The following PITRM1 variants were observed in gnomAD, a reference collection of about 807,000 sequenced individuals.
The protein encoded by PITRM1 is pitrilysin metallopeptidase 1.
In PITRM1, 100 loss-of-function variants were observed where a neutral mutation model predicts 129.9. That is an observed-to-expected ratio of 0.77 (90% CI 0.65 to 0.91). The LOEUF is 0.91. Among genes scored for constraint, PITRM1 ranks in the 40% least tolerant of loss-of-function variants. The pLI is 0.00. For synonymous variants in PITRM1, 591 were observed against 508.8 expected (o/e 1.16, Z -2.17); for missense variants, 1,471 against 1,318.3 (o/e 1.12, Z -1.79).
intron 23 of PITRM1, chr10:3,141,606 T>TA: frequency 2.2e-6 from 1 of 463,852 alleles, no homozygotes. Context: ...AAGCTGATTC[T>TA]AGAACACATC....
Position 3,140,803 on chromosome 10 carries a change from G to T in PITRM1, c.2655C>A (p.Ile885=). Residue 885 remains isoleucine, a synonymous_variant, in exon 24 of 27, where the codon ATC becomes ATA. Coordinates refer to ENST00000224949, the MANE Select transcript of PITRM1 (RefSeq NM_014889.4). ...YTDPDHASLK[I]LARLMTAKFL... ...ATTTGGCAGTCATCAAACGTGCAAG[G>T]ATTTTAAGACTGAAATGATTAAAAA... 4 of 1,581,780 alleles carry T rather than the reference G, an allele frequency of 2.5e-6. No homozygotes were observed. Among genetic ancestry groups the T allele is most frequent in the African/African-American group, 2.7e-5 (2 of 74,450 alleles).
chr10:3,155,653 G>C lies in PITRM1; in HGVS notation c.1559C>G (p.Thr520Arg). The change falls in exon 14 of 27, where the codon ACG becomes AGG. Residue 520 changes from threonine to arginine, a missense_variant. By Grantham distance (71) the Thr-to-Arg change is moderately conservative. Transcript: ENST00000224949. ...YHEKQAQVEA[T>R]KLKQKVEALS... ...AGCCTCGACCTTCTGCTTGAGCTTC[G>C]TGGCTTCCACCTGTGCCTGCTTCTC... 1 of 1,613,800 alleles carries C rather than the reference G, an allele frequency of 6.2e-7. No homozygotes were observed. Among genetic ancestry groups the C allele is most frequent in the Non-Finnish European group, 8.5e-7 (1 of 1,179,862 alleles).
chr10:3,164,138 G>C (rs557028313), intron 6 of PITRM1: 2 of 228,180 alleles, frequency 8.8e-6, no homozygotes, highest in East Asian at 2.1e-4. Context: ...GATGTGTGGT[G>C]CAACAAACGC....
At chr10:3,145,741 A>G in intron 20 of PITRM1, 25 bp from the exon 21 acceptor site, 2 of 1,499,476 alleles carry the variant, frequency 1.3e-6, no homozygotes, top group South Asian at 1.2e-5. Context: ...ATGTATACAT[A>G]AAACCACTGT....
At chr10:3,143,617 C>G (rs193119868) in intron 22 of PITRM1, 116 bp from the exon 23 acceptor site, 3 of 744,920 alleles carry the variant, frequency 4.0e-6, no homozygotes, top group Non-Finnish European at 4.9e-6. Context: ...GCCCACGGCA[C>G]TGGGACTGGA....
Position 3,145,646 on chromosome 10 carries a change from T to C in PITRM1, c.2407A>G (p.Ile803Val). The C allele has an allele frequency of 2.6e-6, 4 of 1,550,440 alleles. No homozygotes were observed. Among genetic ancestry groups the C allele is most frequent in the South Asian group, 1.2e-5 (1 of 84,002 alleles). ...CTCCGTTCCTTTTTACTCCGACCGA[T>C]GCTTCTAAGGAAGTCTTCGACCGCT... ...EKAVEDFLRSIGRSKKERRPV... is the reference protein window; with the variant it reads ...EKAVEDFLRSVGRSKKERRPV... Residue 803 changes from isoleucine (I) to valine (V), a missense_variant, in exon 21 of 27, where the codon ATC becomes GTC. By Grantham distance (29) the Ile-to-Val change is conservative. Transcript: ENST00000224949.
chr10:3,153,620 A>G (rs1476817310), intron 14 of PITRM1, among the ~76,000 whole-genome samples: 1 of 151,638 alleles, frequency 6.6e-6, no homozygotes, highest in Non-Finnish European at 1.5e-5. Context: ...CTCCGTCTCA[A>G]AAAAAAAACC....
At chr10:3,157,305 T>C in intron 12 of PITRM1, 130 bp downstream of exon 12, 3 of 638,164 alleles carry the variant, frequency 4.7e-6, no homozygotes. Context: ...ACCAACAGAT[T>C]ACTAGTTATA....
intron 23 of PITRM1, chr10:3,141,642 CAA>C (rs1482779831): frequency 8.5e-6 from 4 of 470,204 alleles, no homozygotes; most frequent in Non-Finnish European, 1.3e-5. Context: ...GCGGGGCAGA[CAA>C]TGATGGGAGG....
intron 22 of PITRM1, 146 bp downstream of exon 22, chr10:3,144,146 G>A (rs944132595): frequency 3.2e-6 from 2 of 616,044 alleles, no homozygotes; most frequent in Admixed American, 2.9e-5. Flanking sequence ...GGGTGGCAGT[G>A]ACAAAGGATG....
chr10:3,164,922 G>C (rs1248889186), intron 6 of PITRM1, among the ~76,000 whole-genome samples: 2 of 152,176 alleles, frequency 1.3e-5, no homozygotes, highest in African/African-American at 2.4e-5. Context: ...GCAGCCTCTA[G>C]AAAGTACACC....
chr10:3,143,114 C>T, intron 23 of PITRM1: 1 of 426,046 alleles, frequency 2.3e-6, no homozygotes, highest in South Asian at 2.9e-5. Context: ...ATGTTGAAAG[C>T]AGTCTGTGTT....
At chr10:3,155,252 T>C (rs1841878384) in intron 14 of PITRM1, among the ~76,000 whole-genome samples, 1 of 152,080 alleles carries the variant, frequency 6.6e-6, no homozygotes, top group South Asian at 2.1e-4. Context: ...AACACACAGC[T>C]CTCAACTGTC....
chr10:3,158,204 T>G (rs1272456776), intron 10 of PITRM1, 51 bp from the exon 11 acceptor site: 2 of 1,008,210 alleles, frequency 2.0e-6, no homozygotes, highest in African/African-American at 3.2e-5. Context: ...ACGTTCATCA[T>G]GCCCTCGTAA....
At chr10:3,157,400 T>TA (rs1842064640) in intron 12 of PITRM1, 35 bp downstream of exon 12, 1 of 1,355,118 alleles carries the variant, frequency 7.4e-7, no homozygotes, top group African/African-American at 1.5e-5. Context: ...ATGTCTATTA[T>TA]AAAACAAAAA....
chr10:3,137,925 T>C lies in PITRM1; in HGVS notation c.*106A>G. On this transcript the variant is annotated 3_prime_UTR_variant, in exon 27 of 27. Coordinates refer to ENST00000224949, the MANE Select transcript of PITRM1 (RefSeq NM_014889.4). ...CGCCAGTCAAGGGCTTTGGCGACAC[T>C]CAATGACATAATATTCTTGGAAAAA... The C allele has an allele frequency of 1.4e-6, 1 of 702,568 alleles. No individual in the cohort carries two copies. Among genetic ancestry groups the C allele is most frequent in the South Asian group, 1.8e-5 (1 of 55,006 alleles). 43.5% of individuals were successfully genotyped at this position (702,568 alleles called of 1,614,324 possible).
intron 8 of PITRM1, 85 bp downstream of exon 8, chr10:3,160,119 T>A (rs1842324358): frequency 7.0e-7 from 1 of 1,430,330 alleles, no homozygotes. Context: ...CATGACAGCA[T>A]CTGAAATCCC....
At position 3,166,375 on chromosome 10, in the gene PITRM1, T is replaced by TGCACGCTAGGGAAGAGAGAGGAATG; in HGVS notation, c.271_272insCATTCCTCTCTCTTCCCTAGCGTGC (p.Gln91ProfsTer7). The TGCACGCTAGGGAAGAGAGAGGAATG allele has an allele frequency of 6.1e-3, 8,674 of 1,412,840 alleles. 190 individuals carry two copies. Among genetic ancestry groups the TGCACGCTAGGGAAGAGAGAGGAATG allele is most frequent in the African/African-American group, 0.051 (3,483 of 68,330 alleles). The allele number at this position is 1,412,840 out of a possible 1,614,324, so 87.5% of individuals were successfully genotyped here. A position where few individuals can be genotyped will look rare whatever the true frequency, so the allele number is the denominator to read the frequency against. ...ACTGTCCATGGGAGTAGTACGGAAC[T>TGCACGCTAGGGAAGAGAGAGGAATG]GCACGCTAGGGAAGGAGAATGACCA... On this transcript the variant is annotated stop_gained and frameshift_variant, in exon 4 of 27. Transcript: ENST00000224949. LOFTEE classifies it high-confidence loss of function.
chr10:3,138,608 A>T, intron 25 of PITRM1: 1 of 604,346 alleles, frequency 1.7e-6, no homozygotes, highest in Admixed American at 2.9e-5. Flanking sequence ...GGCTCCAGAG[A>T]GTAACGTGGC....
Sources: allele counts gnomAD v4.1 joint callset (sites outside exome capture counted in the v4.1 genomes callset), GRCh38; gene constraint gnomAD v4.1.1; transcripts MANE v1.5; gene names NCBI Gene and HGNC (gene_info 2026-07-23, HGNC 2026-07-21).